GABRB3: variants seen among roughly 807,000 people sequenced by gnomAD.
GABRB3 encodes gamma-aminobutyric acid receptor subunit beta-3.
Under a neutral mutation model 52.1 loss-of-function variants are expected in GABRB3, and 14 were observed. That is an observed-to-expected ratio of 0.27 (90% CI 0.18 to 0.42). The LOEUF (loss-of-function observed/expected upper bound fraction) is 0.42. Ranked by LOEUF, GABRB3 falls within the 10% of genes least tolerant of loss-of-function variation. The probability of loss-of-function intolerance (pLI) is 1.00; values close to 1 mark genes in which losing one functional copy is unlikely to be tolerated. For missense variants in GABRB3, 307 were observed against 609.1 expected, an observed-to-expected ratio of 0.50 and a Z score of 5.22; for synonymous variants, 260 against 232.3, an observed-to-expected ratio of 1.12 and a Z score of -1.08.
intron 4 of GABRB3, among the ~76,000 whole-genome samples, chr15:26,596,966 T>C (rs1421143859): frequency 1.3e-5 from 2 of 152,226 alleles, no homozygotes; most frequent in South Asian, 4.1e-4. Context: ...CAGTGTAGTG[T>C]ATAATACAGC....
intron 3 of GABRB3, among the ~76,000 whole-genome samples, chr15:26,722,624 C>T (rs12904097): frequency 0.45 from 68,535 of 151,682 alleles, 16,478 homozygotes; most frequent in African/African-American, 0.64. Context: ...ATTGTCGTCC[C>T]TAAGTATCTT....
intron 6 of GABRB3, among the ~76,000 whole-genome samples, chr15:26,576,569 A>T (rs1890601380): frequency 6.6e-6 from 1 of 152,186 alleles, no homozygotes; most frequent in African/African-American, 2.4e-5. Context: ...CTGCTTGAGG[A>T]TTTATTTAAA....
intron 3 of GABRB3, among the ~76,000 whole-genome samples, chr15:26,673,530 T>C (rs1479296383): frequency 1.3e-5 from 2 of 152,184 alleles, no homozygotes; most frequent in Non-Finnish European, 2.9e-5. Flanking sequence ...AACCTCAAAA[T>C]CCTGGCCATA....
chr15:26,708,449 A>G (rs1380698619), intron 3 of GABRB3, among the ~76,000 whole-genome samples: 1 of 152,220 alleles, frequency 6.6e-6, no homozygotes, highest in African/African-American at 2.4e-5. Context: ...AGTACACTCC[A>G]GGGACAGGCA....
At chr15:26,562,752 C>T (rs1052147435) in intron 7 of GABRB3, among the ~76,000 whole-genome samples, 3 of 152,180 alleles carry the variant, frequency 2.0e-5, no homozygotes, top group Non-Finnish European at 2.9e-5. Context: ...GCTAGACAGC[C>T]CAGTCTTCCA....
intron 3 of GABRB3, among the ~76,000 whole-genome samples, chr15:26,720,356 A>G (rs933004792): frequency 2.0e-5 from 3 of 151,962 alleles, no homozygotes; most frequent in African/African-American, 7.3e-5. Context: ...TGTCACCTCT[A>G]TCAGCTCCTG....
At chr15:26,720,212 C>T (rs1430967038) in intron 3 of GABRB3, among the ~76,000 whole-genome samples, 3 of 151,374 alleles carry the variant, frequency 2.0e-5, no homozygotes, top group Admixed American at 6.6e-5. Flanking sequence ...TCCTATAAAA[C>T]GGCCCTACCC....
chr15:26,654,270 C>A (rs891136201), intron 3 of GABRB3, among the ~76,000 whole-genome samples: 4 of 152,134 alleles, frequency 2.6e-5, no homozygotes, highest in African/African-American at 4.8e-5. Context: ...CTCAGCCTCC[C>A]GAGTAGCTGG....
rs555640058 is a variant in GABRB3 at position 26,651,032 on chromosome 15, C to CT, written c.241-29499dup. Among the ~76,000 whole-genome samples the CT allele has an allele frequency of 9.1e-4, 138 of 152,316 alleles. 1 individual carries two copies. Among genetic ancestry groups the CT allele is most frequent in the African/African-American group, 3.2e-3 (131 of 41,576 alleles). ...ATTCTTCTTGGATGCCAGACAAGGG[C>CT]TAGGGACCCACTGAGTATGGGTACC... On this transcript the variant is annotated intron_variant, in intron 3 of 8. Transcript: ENST00000311550.
At chr15:26,644,628 T>C (rs1307052577) in intron 3 of GABRB3, among the ~76,000 whole-genome samples, 2 of 152,188 alleles carry the variant, frequency 1.3e-5, no homozygotes. Flanking sequence ...GGAATGAACT[T>C]CTGTTGTTGA....
chr15:26,673,503 T>C (rs1410169076), intron 3 of GABRB3, among the ~76,000 whole-genome samples: 1 of 152,184 alleles, frequency 6.6e-6, no homozygotes, highest in South Asian at 2.1e-4. Flanking sequence ...ACTTGGAGTA[T>C]AGTAAGATAG....
chr15:26,656,119 G>T (rs1887365220), intron 3 of GABRB3, among the ~76,000 whole-genome samples: 1 of 152,146 alleles, frequency 6.6e-6, no homozygotes, highest in African/African-American at 2.4e-5. Context: ...GTCAGATAGA[G>T]CTTGCCTCCT....
intron 4 of GABRB3, among the ~76,000 whole-genome samples, chr15:26,618,562 C>T (rs561122927): frequency 4.2e-4 from 64 of 152,268 alleles, no homozygotes; most frequent in African/African-American, 1.4e-3. Flanking sequence ...ACCATAAAAA[C>T]CCTAGAAGAA....
chr15:26,727,905 C>T (rs911940738), intron 3 of GABRB3, among the ~76,000 whole-genome samples: 4 of 152,170 alleles, frequency 2.6e-5, no homozygotes, highest in African/African-American at 9.7e-5. Context: ...CACTTATTTA[C>T]TCACATCTAG....
At chr15:26,641,256 G>A (rs922591399) in intron 3 of GABRB3, among the ~76,000 whole-genome samples, 1 of 152,246 alleles carries the variant, frequency 6.6e-6, no homozygotes, top group African/African-American at 2.4e-5. Flanking sequence ...AGGACATGAG[G>A]CGGAGAAATA....
intron 3 of GABRB3, among the ~76,000 whole-genome samples, chr15:26,681,455 G>A (rs1316176570): frequency 6.6e-6 from 1 of 152,152 alleles, no homozygotes; most frequent in East Asian, 1.9e-4. Flanking sequence ...CGTTGTGTCT[G>A]TGCTAAGGTA....
Position 26,716,266 on chromosome 15 carries a change from T to C in GABRB3, c.240+56136A>G, listed in dbSNP as rs755062169. The stretch of plus-strand genomic sequence containing the variant: ...TGAACGTGGCTGTGTGTGTGATGGG[T>C]GTGCGCTGGGAGTGGAGGTGGAAGC... On this transcript the variant is annotated intron_variant, in intron 3 of 8. Transcript: ENST00000311550. Among the ~76,000 whole-genome samples, 7 of 152,254 alleles carry C rather than the reference T, an allele frequency of 4.6e-5. 1 individual carries two copies. Among genetic ancestry groups the C allele is most frequent in the Non-Finnish European group, 8.8e-5 (6 of 68,014 alleles).
chr15:26,763,521 C>A (rs72708054), intron 3 of GABRB3, among the ~76,000 whole-genome samples: 45,666 of 151,452 alleles, frequency 0.3, 7,113 homozygotes, highest in East Asian at 0.4. Flanking sequence ...GAATTACAGT[C>A]AGCATAATTG....
upstream of GABRB3, chr15:26,773,670 C>G: frequency 6.4e-7 from 1 of 1,573,064 alleles, no homozygotes; most frequent in South Asian, 1.2e-5. Flanking sequence ...CCTCGGGTCC[C>G]CAGGGTCCAG....
Sources: allele counts gnomAD v4.1 joint callset (sites outside exome capture counted in the v4.1 genomes callset), GRCh38; gene constraint gnomAD v4.1.1; transcripts MANE v1.5; gene names NCBI Gene and HGNC (gene_info 2026-07-23, HGNC 2026-07-21).